The following PRKCE variants were observed in gnomAD, a reference collection of about 807,000 sequenced individuals.
The protein encoded by PRKCE is protein kinase C epsilon type.
Under a neutral mutation model 85.4 loss-of-function variants are expected in PRKCE, and 16 were observed. The ratio of observed to expected loss-of-function variants is 0.19; its 90% CI spans 0.13 to 0.28. The LOEUF (loss-of-function observed/expected upper bound fraction) is 0.28, where lower values mean the gene tolerates loss of function less well. PRKCE is among the 10% of genes least tolerant of loss of function. The pLI is 1.00. For synonymous variants in PRKCE, 388 were observed against 371.5 expected, an observed-to-expected ratio of 1.04 and a Z score of -0.51; for missense variants, 573 against 975.2, an observed-to-expected ratio of 0.59 and a Z score of 5.49.
At chr2:45,759,227 A>G (rs1573232200) in intron 1 of PRKCE, among the ~76,000 whole-genome samples, 1 of 152,178 alleles carries the variant, frequency 6.6e-6, no homozygotes, top group East Asian at 1.9e-4. Context: ...CAAATAAGTG[A>G]CAAATAAGTG....
intron 11 of PRKCE, among the ~76,000 whole-genome samples, chr2:46,128,019 G>T (rs548619088): frequency 2.6e-5 from 4 of 152,242 alleles, no homozygotes; most frequent in Non-Finnish European, 5.9e-5. Context: ...ACTGAGGTAC[G>T]CCCTTTGTGG....
chr2:46,139,405 C>T lies in PRKCE; in HGVS notation c.1593-5688C>T, dbSNP rs901292681. ...AGAAGATATAACGGAAGAAAGCCCC[C>T]ATTTACCAGAAGAATTTAAAATATA... On this transcript the variant is annotated intron_variant, in intron 11 of 14. Coordinates refer to ENST00000306156, the MANE Select transcript of PRKCE (RefSeq NM_005400.3). The surrounding 1 kb of genome is among the most constrained non-coding windows in gnomAD (Gnocchi z 5.2). Among the ~76,000 whole-genome samples the T allele has an allele frequency of 1.3e-5, 2 of 152,090 alleles. No homozygotes were observed.
At chr2:45,684,938 A>G (rs1340706147) in intron 1 of PRKCE, among the ~76,000 whole-genome samples, 1 of 152,234 alleles carries the variant, frequency 6.6e-6, no homozygotes, top group East Asian at 1.9e-4. Flanking sequence ...GGTGAGGAAG[A>G]GCTAGATCCA....
At chr2:46,013,802 G>A (rs186720942) in intron 10 of PRKCE, among the ~76,000 whole-genome samples, 8 of 152,212 alleles carry the variant, frequency 5.3e-5, no homozygotes, top group Non-Finnish European at 1.5e-5. Flanking sequence ...GGTCCTTTTG[G>A]AAACATTCCT....
At chr2:45,858,482 A>G (rs527717094) in intron 2 of PRKCE, among the ~76,000 whole-genome samples, 1 of 151,880 alleles carries the variant, frequency 6.6e-6, no homozygotes, top group Non-Finnish European at 1.5e-5. Context: ...CCCTTCCACT[A>G]TTTTTATGCT....
intron 1 of PRKCE, among the ~76,000 whole-genome samples, chr2:45,719,506 G>T (rs892021676): frequency 6.6e-6 from 1 of 152,198 alleles, no homozygotes; most frequent in African/African-American, 2.4e-5. Context: ...ACTAGGGAAA[G>T]CAATGGCGGG....
intron 13 of PRKCE, among the ~76,000 whole-genome samples, chr2:46,153,868 C>A (rs1247224954): frequency 7.0e-6 from 1 of 142,704 alleles, no homozygotes; most frequent in Non-Finnish European, 1.5e-5. Flanking sequence ...CTCACTGCAA[C>A]TTCCGCCTCC....
intron 1 of PRKCE, among the ~76,000 whole-genome samples, chr2:45,712,608 A>C (rs1023749650): frequency 6.6e-6 from 1 of 152,168 alleles, no homozygotes; most frequent in African/African-American, 2.4e-5. Context: ...GGCTGGTCCC[A>C]CTGACAGTTG....
intron 6 of PRKCE, among the ~76,000 whole-genome samples, chr2:45,998,771 T>C (rs138880571): frequency 6.6e-6 from 1 of 152,344 alleles, no homozygotes; most frequent in East Asian, 1.9e-4. Flanking sequence ...TTTCTGCCTT[T>C]TGTGGTTTTA....
At chr2:46,007,714 G>C in intron 9 of PRKCE, 53 bp downstream of exon 9, 4 of 1,535,012 alleles carry the variant, frequency 2.6e-6, no homozygotes, top group Non-Finnish European at 3.5e-6. Context: ...CCTTAGCATT[G>C]TTTCGTCTGT....
chr2:45,747,953 G>GGCC (rs1398832311), intron 1 of PRKCE, among the ~76,000 whole-genome samples: 1 of 151,464 alleles, frequency 6.6e-6, no homozygotes, highest in African/African-American at 2.4e-5. Flanking sequence ...TGTGCTTACT[G>GGCC]GCCACCTGTA....
chr2:46,151,320 CACA>C, intron 13 of PRKCE, 91 bp downstream of exon 13: 5 of 1,149,566 alleles, frequency 4.3e-6, no homozygotes, highest in South Asian at 1.5e-5. Flanking sequence ...CACACACACA[CACA>C]CTCCCTTCTC....
At chr2:45,925,406 C>T (rs1424595934) in intron 2 of PRKCE, among the ~76,000 whole-genome samples, 1 of 152,182 alleles carries the variant, frequency 6.6e-6, no homozygotes, top group African/African-American at 2.4e-5. Flanking sequence ...AAGCGATTCT[C>T]CTGCCTCAGC....
intron 1 of PRKCE, among the ~76,000 whole-genome samples, chr2:45,746,384 C>A (rs1409876920): frequency 6.6e-6 from 1 of 152,194 alleles, no homozygotes; most frequent in Non-Finnish European, 1.5e-5. Flanking sequence ...CTTTCTGGTC[C>A]TCACTGTTGA....
At chr2:46,177,757 G>C (rs184154283) in intron 14 of PRKCE, among the ~76,000 whole-genome samples, 1 of 152,112 alleles carries the variant, frequency 6.6e-6, no homozygotes, top group Non-Finnish European at 1.5e-5. Context: ...CTCATAACAT[G>C]GTAAAATTGG....
At chr2:46,162,403 C>T (rs1446660608) in intron 14 of PRKCE, among the ~76,000 whole-genome samples, 1 of 151,922 alleles carries the variant, frequency 6.6e-6, no homozygotes, top group African/African-American at 2.4e-5. Context: ...TCCAGGAGCT[C>T]CCACCGATTT....
chr2:45,709,975 A>G (rs528832040), intron 1 of PRKCE, among the ~76,000 whole-genome samples: 2 of 152,038 alleles, frequency 1.3e-5, no homozygotes, highest in African/African-American at 2.4e-5. Context: ...ACGCCTGGCT[A>G]ATTTTTGTAT....
At chr2:45,733,695 C>G (rs1681785853) in intron 1 of PRKCE, among the ~76,000 whole-genome samples, 1 of 152,168 alleles carries the variant, frequency 6.6e-6, no homozygotes, top group East Asian at 1.9e-4. Context: ...CTCACCGTCT[C>G]CACTATCAGC....
rs144952442 is a variant in PRKCE, at chr2:46,180,534, A to G, written c.2068-4201A>G. Among the ~76,000 whole-genome samples the G allele has an allele frequency of 2.5e-3, 384 of 152,330 alleles. 1 individual carries two copies. The highest frequency in any genetic ancestry group is 9.1e-3 in the African/African-American group (377 of 41,586). On this transcript the variant is annotated intron_variant, in intron 14 of 14. Transcript: ENST00000306156. Reference sequence around the variant, plus strand: ...GTTCAGGATTTGGAGGCACAGAAAGAAAGGTAAGACTCAGCCCCTAACTTC... The same window carrying G: ...GTTCAGGATTTGGAGGCACAGAAAGGAAGGTAAGACTCAGCCCCTAACTTC...
Sources: allele counts gnomAD v4.1 joint callset (sites outside exome capture counted in the v4.1 genomes callset), GRCh38; gene constraint gnomAD v4.1.1; non-coding constraint Gnocchi (gnomAD v3.1); transcripts MANE v1.5; gene names NCBI Gene and HGNC (gene_info 2026-07-23, HGNC 2026-07-21).